The following KIF13A variants were observed in gnomAD, a reference collection of about 807,000 sequenced individuals.
KIF13A encodes the protein kinesin-like protein KIF13A.
Under a neutral mutation model 212.2 loss-of-function variants are expected in KIF13A, and 79 were observed. That is an observed-to-expected ratio of 0.37 (90% CI 0.31 to 0.45). The LOEUF is 0.45. Ranked by LOEUF, KIF13A falls within the 20% of genes least tolerant of loss-of-function variation. The pLI, the probability that KIF13A is intolerant of heterozygous loss-of-function variation, is 1.00. For missense variants in KIF13A, 1,901 were observed against 2,209.0 expected, an observed-to-expected ratio of 0.86 and a Z score of 2.79; for synonymous variants, 789 against 808.6, an observed-to-expected ratio of 0.98 and a Z score of 0.41.
At chr6:17,779,829 C>T in intron 31 of KIF13A, 145 bp from the exon 32 acceptor site, 1 of 437,244 alleles carries the variant, frequency 2.3e-6, no homozygotes, top group Non-Finnish European at 4.2e-6. Flanking sequence ...AGGCTCCGCC[C>T]CCTGGGGTTC....
chr6:17,789,513 C>T lies in KIF13A; in HGVS notation c.3261+359G>A, dbSNP rs1761351852. On this transcript the variant is annotated intron_variant, in intron 26 of 38. Coordinates refer to ENST00000259711, the MANE Select transcript of KIF13A (RefSeq NM_022113.6). The surrounding 1 kb of genome is among the most constrained non-coding windows in gnomAD (Gnocchi z 4.8). ...ATAACTGCAATATTTTAAGATCATC[C>T]ATTTTTTAAATTAATTAATTAGTTA... Among the ~76,000 whole-genome samples the T allele has an allele frequency of 6.6e-6, 1 of 151,956 alleles. No individual in the cohort carries two copies. Among genetic ancestry groups the T allele is most frequent in the African/African-American group, 2.4e-5 (1 of 41,332 alleles).
rs907705285 is a variant in KIF13A, at chr6:17,787,711, C to T, written c.3361+65G>A. On this transcript the variant is annotated intron_variant, in intron 27 of 38. Transcript: ENST00000259711. The surrounding 1 kb of genome is among the most constrained non-coding windows in gnomAD (Gnocchi z 4.6). ...CTACTGTCCAGTTAGGGGAAGAAAA[C>T]GACCTACTGCCATTGTGTAAAAGTG... 1.3e-5 allele frequency: 12 copies of T among 914,594 alleles called. No individual in the cohort carries two copies. The highest frequency in any genetic ancestry group is 5.3e-5 in the South Asian group (4 of 75,312). 56.7% of individuals were successfully genotyped at this position (914,594 alleles called of 1,614,324 possible).
chr6:17,796,709 C>T lies in KIF13A; in HGVS notation c.2902G>A (p.Val968Ile), dbSNP rs201596924. The T allele has an allele frequency of 1.3e-6, 2 of 1,583,828 alleles. No homozygotes were observed. The highest frequency in any genetic ancestry group is 2.4e-5 in the East Asian group (1 of 42,410). ...CAGNGSSIWEVDSLHAKTRTL... is the reference protein window; with the variant it reads ...CAGNGSSIWEIDSLHAKTRTL... The stretch of plus-strand genomic sequence containing the variant: ...CTTGTCTTAGCATGAAGAGAATCGA[C>T]CTCCCAGATGGAGCTGCCATTTCCA... Residue 968 changes from valine to isoleucine, a missense_variant, in exon 23 of 39, where the codon GTC (valine) becomes ATC (isoleucine). Coordinates refer to ENST00000259711, the MANE Select transcript of KIF13A (RefSeq NM_022113.6).
intron 4 of KIF13A, among the ~76,000 whole-genome samples, chr6:17,864,016 G>A (rs571436034): frequency 6.6e-6 from 1 of 152,264 alleles, no homozygotes; most frequent in South Asian, 2.1e-4. Flanking sequence ...TTTCCGACTA[G>A]TTTACACTCA....
intron 2 of KIF13A, among the ~76,000 whole-genome samples, chr6:17,948,285 A>G (rs1581818886): frequency 6.6e-6 from 1 of 152,358 alleles, no homozygotes; most frequent in Non-Finnish European, 1.5e-5. Context: ...ATTGTCACTG[A>G]GTAGTCGAGT....
chr6:17,985,637 G>C (rs571733953), intron 2 of KIF13A, among the ~76,000 whole-genome samples: 1 of 104,504 alleles, frequency 9.6e-6, no homozygotes, highest in African/African-American at 4.0e-5. Context: ...GTTTGCGGGG[G>C]GGTGGGGGGA....
At chr6:17,788,664 C>G (rs1761265556) in intron 26 of KIF13A, among the ~76,000 whole-genome samples, 1 of 152,170 alleles carries the variant, frequency 6.6e-6, no homozygotes, top group African/African-American at 2.4e-5. Context: ...TAGTTTAAGA[C>G]TTAAGACGTT....
At chr6:17,962,099 C>T (rs542600230) in intron 2 of KIF13A, among the ~76,000 whole-genome samples, 13 of 151,922 alleles carry the variant, frequency 8.6e-5, no homozygotes, top group African/African-American at 2.2e-4. Flanking sequence ...GGCCAAGGCG[C>T]GTGGATCACG....
At chr6:17,973,386 C>A (rs1029472154) in intron 2 of KIF13A, among the ~76,000 whole-genome samples, 1 of 152,190 alleles carries the variant, frequency 6.6e-6, no homozygotes, top group East Asian at 1.9e-4. Context: ...TAGCTGATAA[C>A]GACTTCATGC....
At chr6:17,845,101 C>T (rs542433296) in intron 9 of KIF13A, among the ~76,000 whole-genome samples, 3 of 152,204 alleles carry the variant, frequency 2.0e-5, no homozygotes, top group African/African-American at 4.8e-5. Flanking sequence ...AAAGGCACAT[C>T]GGTGGCAGGC....
intron 2 of KIF13A, among the ~76,000 whole-genome samples, chr6:17,972,989 T>C (rs918053594): frequency 6.6e-6 from 1 of 152,060 alleles, no homozygotes; most frequent in Non-Finnish European, 1.5e-5. Flanking sequence ...CACTTTGCTT[T>C]TGAAAGAAAG....
At chr6:17,891,604 A>T (rs1772065044) in intron 3 of KIF13A, among the ~76,000 whole-genome samples, 1 of 152,086 alleles carries the variant, frequency 6.6e-6, no homozygotes, top group Non-Finnish European at 1.5e-5. Flanking sequence ...CAAAGAATTA[A>T]AAAATTAGCC....
chr6:17,779,239 A>G, intron 32 of KIF13A, 140 bp from the exon 33 acceptor site: 1 of 133,514 alleles, frequency 7.5e-6, no homozygotes, highest in South Asian at 9.0e-5. Context: ...AAAGTAGCAT[A>G]TATATATATA....
At chr6:17,881,329 T>C (rs777369548) in intron 3 of KIF13A, among the ~76,000 whole-genome samples, 4 of 152,080 alleles carry the variant, frequency 2.6e-5, no homozygotes, top group Non-Finnish European at 4.4e-5. Flanking sequence ...GAGAGATATA[T>C]ATAATCTGAG....
intron 2 of KIF13A, among the ~76,000 whole-genome samples, chr6:17,933,632 AT>A (rs577060546): frequency 1.5e-4 from 22 of 151,538 alleles, no homozygotes; most frequent in Admixed American, 3.3e-4. Flanking sequence ...AACAATTTAG[AT>A]TTTTTTTTAA....
At chr6:17,959,051 A>AT (rs1778596874) in intron 2 of KIF13A, among the ~76,000 whole-genome samples, 1 of 151,334 alleles carries the variant, frequency 6.6e-6, no homozygotes, top group African/African-American at 2.4e-5. Context: ...TGCCAGGCTA[A>AT]TTTTTTTTAA....
At position 17,781,192 on chromosome 6, in the gene KIF13A, C is replaced by G; in HGVS notation, c.3654G>C (p.Lys1218Asn). 1 of 1,613,912 alleles carries G rather than the reference C, an allele frequency of 6.2e-7. No homozygotes were observed. The highest frequency in any genetic ancestry group is 1.3e-5 in the African/African-American group (1 of 75,020). ...GGTTAATTACCTCATCATCACTGTG[C>G]TTTATGATGGGCAGGTAGAAAAACT... ...GSQFFYLPII[K>N]HSDDEVSATA... Residue 1218 changes from lysine to asparagine, a missense_variant, in exon 30 of 39, where the codon AAG becomes AAC. Lys to Asn is a moderately conservative substitution (Grantham distance 94). Coordinates refer to ENST00000259711, the MANE Select transcript of KIF13A (RefSeq NM_022113.6).
rs1217790702 is a variant in KIF13A at position 17,888,675 on chromosome 6, A to C, written c.159+9493T>G. Among the ~76,000 whole-genome samples the C allele has an allele frequency of 6.6e-6, 1 of 152,088 alleles. No individual in the cohort carries two copies. Among genetic ancestry groups the C allele is most frequent in the Non-Finnish European group, 1.5e-5 (1 of 68,008 alleles). On this transcript the variant is annotated intron_variant, in intron 3 of 38. Transcript: ENST00000259711. The surrounding 1 kb of genome is among the most constrained non-coding windows in gnomAD (Gnocchi z 4.8). ...CCTGTCTCTACCAAAAAATACAAAAATTAGCTGGGCGTGGTGGCACAGGCC... is the reference window on the plus strand; with the variant it reads ...CCTGTCTCTACCAAAAAATACAAAACTTAGCTGGGCGTGGTGGCACAGGCC...
At chr6:17,880,627 CA>C (rs34817140) in intron 3 of KIF13A, among the ~76,000 whole-genome samples, 29,319 of 69,506 alleles carry the variant, frequency 0.42, 2,822 homozygotes, top group Middle Eastern at 0.5. Context: ...GACTCTGTCT[CA>C]AAAAAAAAAA....
Sources: allele counts gnomAD v4.1 joint callset (sites outside exome capture counted in the v4.1 genomes callset), GRCh38; gene constraint gnomAD v4.1.1; non-coding constraint Gnocchi (gnomAD v3.1); transcripts MANE v1.5; gene names NCBI Gene and HGNC (gene_info 2026-07-23, HGNC 2026-07-21).